Variants in MYO3B observed in about 807,000 individuals in gnomAD.
MYO3B encodes the protein myosin IIIB.
A neutral mutation model predicts 174.6 loss-of-function variants in MYO3B; 156 were observed. The ratio of observed to expected loss-of-function variants is 0.89; its 90% CI spans 0.78 to 1.02. The LOEUF is 1.02. Ranked by LOEUF, MYO3B falls within the 50% of genes least tolerant of loss-of-function variation. The pLI is 0.00. For missense variants in MYO3B, 1,632 were observed against 1,639.4 expected (o/e 1.00, Z 0.08); for synonymous variants, 563 against 569.1 (o/e 0.99, Z 0.15).
At chr2:170,445,286 T>C (rs1332364888) in intron 23 of MYO3B, among the ~76,000 whole-genome samples, 1 of 152,192 alleles carries the variant, frequency 6.6e-6, no homozygotes, top group African/African-American at 2.4e-5. Context: ...ATGAGGCATA[T>C]CACAACCTTC....
chr2:170,220,298 T>G (rs1443452497), intron 6 of MYO3B, among the ~76,000 whole-genome samples: 1 of 149,500 alleles, frequency 6.7e-6, no homozygotes, highest in Non-Finnish European at 1.5e-5. Context: ...AAAAAAGAGG[T>G]GTTTCTGACT....
chr2:170,339,882 C>A lies in MYO3B; in HGVS notation c.815+4432C>A, dbSNP rs534633057. Among the ~76,000 whole-genome samples the A allele has an allele frequency of 2.2e-4, 34 of 152,146 alleles. 2 individuals carry two copies. Among genetic ancestry groups the A allele is most frequent in the African/African-American group, 6.7e-4 (28 of 41,506 alleles). On this transcript the variant is annotated intron_variant, in intron 8 of 34. Transcript: ENST00000408978. ...CTGCTTTTCATCCATATGCTAGGACCCTGCTTGATGTGTTTTGTCACCTCT... is the reference window on the plus strand; with the variant it reads ...CTGCTTTTCATCCATATGCTAGGACACTGCTTGATGTGTTTTGTCACCTCT...
At chr2:170,628,748 C>T (rs1326540652) in intron 32 of MYO3B, among the ~76,000 whole-genome samples, 1 of 152,144 alleles carries the variant, frequency 6.6e-6, no homozygotes, top group African/African-American at 2.4e-5. Flanking sequence ...CAAAGCCCCC[C>T]TAGAAGTTCA....
intron 30 of MYO3B, among the ~76,000 whole-genome samples, chr2:170,536,908 T>C (rs1224319747): frequency 6.6e-6 from 1 of 152,104 alleles, no homozygotes; most frequent in Non-Finnish European, 1.5e-5. Flanking sequence ...TATTTAAAAG[T>C]ATGCTGGTCT....
intron 32 of MYO3B, among the ~76,000 whole-genome samples, chr2:170,567,360 A>G (rs1575175469): frequency 6.6e-6 from 1 of 152,210 alleles, no homozygotes; most frequent in African/African-American, 2.4e-5. Flanking sequence ...CTAACCATGT[A>G]AATTTTTTCC....
At chr2:170,310,740 G>A (rs987784781) in intron 7 of MYO3B, among the ~76,000 whole-genome samples, 17 of 151,886 alleles carry the variant, frequency 1.1e-4, no homozygotes, top group Non-Finnish European at 2.4e-4. Flanking sequence ...GTGGGGGATG[G>A]TTCCAGGCTA....
chr2:170,201,336 T>A (rs2092659151), intron 3 of MYO3B, among the ~76,000 whole-genome samples: 1 of 152,204 alleles, frequency 6.6e-6, no homozygotes, highest in African/African-American at 2.4e-5. Flanking sequence ...AGCTCATGTC[T>A]CCATGTCTGA....
At chr2:170,369,176 G>T in intron 8 of MYO3B, 46 bp from the exon 9 acceptor site, 1 of 1,575,134 alleles carries the variant, frequency 6.3e-7, no homozygotes, top group East Asian at 2.3e-5. Flanking sequence ...GGGGAACAGG[G>T]TGTCTAAGAT....
rs183379040 is a variant in MYO3B, at chr2:170,304,732, A to G, written c.750-30653A>G. 5.3e-5 allele frequency among the ~76,000 whole-genome samples: 8 copies of G among 151,998 alleles called. 1 individual carries two copies. The highest frequency in any genetic ancestry group is 1.3e-4 in the Admixed American group (2 of 15,258). On this transcript the variant is annotated intron_variant, in intron 7 of 34. Transcript: ENST00000408978. ...TCCACCCGCCTCAGCCACCCAAAGT[A>G]CTGGGATTACGGACATGAGCCATCG... is the stretch of plus-strand genomic sequence containing the variant.
intron 32 of MYO3B, among the ~76,000 whole-genome samples, chr2:170,609,887 G>A (rs1056345233): frequency 6.6e-6 from 1 of 152,198 alleles, no homozygotes; most frequent in African/African-American, 2.4e-5. Context: ...GGGAAAGGGG[G>A]GCCAGGCCCT....
At position 170,182,334 on chromosome 2, in the gene MYO3B, C is replaced by T. The variant is rs184636496; in HGVS notation, c.2+4045C>T. Among the ~76,000 whole-genome samples the T allele has an allele frequency of 2.0e-3, 307 of 152,166 alleles. 2 individuals carry two copies. Among genetic ancestry groups the T allele is most frequent in the Middle Eastern group, 6.8e-3 (2 of 292 alleles). Reference sequence around the variant, plus strand: ...AATCTGGCTTAACTTTTTTTCTGAACAGCCAGCAAGTTAAGCCAGCATAAT... The same window carrying T: ...AATCTGGCTTAACTTTTTTTCTGAATAGCCAGCAAGTTAAGCCAGCATAAT... On this transcript the variant is annotated intron_variant, in intron 1 of 34. Transcript: ENST00000408978.
intron 7 of MYO3B, among the ~76,000 whole-genome samples, chr2:170,291,780 G>A (rs945186036): frequency 4.6e-5 from 7 of 151,198 alleles, no homozygotes; most frequent in East Asian, 3.9e-4. Context: ...TATGGTTTCC[G>A]TTGAAAAGCC....
At chr2:170,472,567 G>C (rs568589296) in intron 25 of MYO3B, among the ~76,000 whole-genome samples, 2 of 152,150 alleles carry the variant, frequency 1.3e-5, no homozygotes, top group African/African-American at 4.8e-5. Context: ...GATCTCTTTT[G>C]ATGAGCTTCT....
intron 27 of MYO3B, among the ~76,000 whole-genome samples, chr2:170,501,413 C>T (rs1265855491): frequency 6.6e-6 from 1 of 152,214 alleles, no homozygotes; most frequent in Non-Finnish European, 1.5e-5. Context: ...TTTCTACCAT[C>T]CCTGCCAAAC....
Position 170,515,466 on chromosome 2 carries a change from A to T in MYO3B, c.3472+444A>T, listed in dbSNP as rs532474069. Among the ~76,000 whole-genome samples the T allele has an allele frequency of 3.9e-5, 6 of 152,292 alleles. No homozygotes were observed. The East Asian group carries it at 1.2e-3, about 29-fold the overall frequency. ...TCAGACTGATTGAGAACATTCATGG[A>T]AGGAAGGGGTACTGTGGACAAGAAG... On this transcript the variant is annotated intron_variant, in intron 29 of 34. Coordinates refer to ENST00000408978, the MANE Select transcript of MYO3B (RefSeq NM_138995.5).
chr2:170,332,334 C>T (rs2093917694), intron 7 of MYO3B: 2 of 151,980 alleles, frequency 1.3e-5, no homozygotes, highest in African/African-American at 2.4e-5. Flanking sequence ...TACAGTAAGC[C>T]CTCAGTGAAT....
intron 25 of MYO3B, among the ~76,000 whole-genome samples, chr2:170,472,929 G>A (rs982205714): frequency 6.6e-6 from 1 of 151,584 alleles, no homozygotes; most frequent in African/African-American, 2.4e-5. Flanking sequence ...TTGAACTCCT[G>A]AGCTCGAGCA....
intron 22 of MYO3B, among the ~76,000 whole-genome samples, chr2:170,419,757 C>T (rs2094603502): frequency 1.3e-5 from 2 of 152,150 alleles, no homozygotes; most frequent in South Asian, 4.2e-4. Context: ...CTCCGCCACA[C>T]CTAGGGAGCT....
chr2:170,597,200 G>A (rs1038268656), intron 32 of MYO3B, among the ~76,000 whole-genome samples: 9 of 151,762 alleles, frequency 5.9e-5, no homozygotes, highest in African/African-American at 1.5e-4. Context: ...GTGAAACCTC[G>A]GCTCTACTAA....
Sources: allele counts gnomAD v4.1 joint callset (sites outside exome capture counted in the v4.1 genomes callset), GRCh38; gene constraint gnomAD v4.1.1; transcripts MANE v1.5; gene names NCBI Gene and HGNC (gene_info 2026-07-23, HGNC 2026-07-21).